Variants in GLIS3 observed in about 807,000 individuals in gnomAD.
GLIS3 encodes the protein zinc finger protein GLIS3.
GLIS3 carries 53 observed loss-of-function variants against 78.6 expected under a neutral mutation model. The ratio of observed to expected loss-of-function variants is 0.67; its 90% confidence interval spans 0.54 to 0.85. GLIS3 has a LOEUF of 0.85. Among genes scored for constraint, GLIS3 ranks in the 40% least tolerant of loss-of-function variants. GLIS3 has a pLI of 0.00. For missense variants in GLIS3, 1,703 were observed against 1,231.1 expected (o/e 1.38, Z -5.74); for synonymous variants, 684 against 509.9 (o/e 1.34, Z -4.60).
the GLIS3 span, among the ~76,000 whole-genome samples, chr9:4,428,081 T>TA: frequency 5.9e-5 from 9 of 151,868 alleles, no homozygotes; most frequent in African/African-American, 1.7e-4. Flanking sequence ...GTCAGAGGAA[T>TA]AAACATGAGC....
intron 4 of GLIS3, among the ~76,000 whole-genome samples, chr9:4,002,135 G>A (rs1175124773): frequency 6.6e-6 from 1 of 152,188 alleles, no homozygotes; most frequent in Admixed American, 6.5e-5. Context: ...GTCTTTATAA[G>A]ACAAAGATAG....
chr9:4,396,966 C>T, the GLIS3 span, among the ~76,000 whole-genome samples: 2 of 151,188 alleles, frequency 1.3e-5, no homozygotes, highest in African/African-American at 4.9e-5. Context: ...AGCTTCTTCT[C>T]TTGTCTCCCA....
chr9:4,429,715 A>G, the GLIS3 span, among the ~76,000 whole-genome samples: 1 of 152,170 alleles, frequency 6.6e-6, no homozygotes, highest in Non-Finnish European at 1.5e-5. Context: ...TTGAATCCCC[A>G]GCTCTGTGTC....
intron 9 of GLIS3, among the ~76,000 whole-genome samples, chr9:3,842,117 A>C (rs897621120): frequency 6.6e-6 from 1 of 152,206 alleles, no homozygotes; most frequent in Admixed American, 6.5e-5. Context: ...GTGCTGCTGC[A>C]TCTCAATTCC....
At chr9:4,419,450 G>A in the GLIS3 span, among the ~76,000 whole-genome samples, 1 of 152,280 alleles carries the variant, frequency 6.6e-6, no homozygotes, top group Admixed American at 6.5e-5. Flanking sequence ...GGAAGGCAAA[G>A]TGGGAGGAGC....
At chr9:3,952,261 C>T (rs1205363692) in intron 4 of GLIS3, among the ~76,000 whole-genome samples, 1 of 152,104 alleles carries the variant, frequency 6.6e-6, no homozygotes, top group Non-Finnish European at 1.5e-5. Context: ...TTCACTGACA[C>T]AGGTTTACTT....
intron 4 of GLIS3, among the ~76,000 whole-genome samples, chr9:4,044,279 T>G (rs1825070245): frequency 1.3e-5 from 2 of 152,218 alleles, no homozygotes; most frequent in African/African-American, 4.8e-5. Context: ...CAAGTTCGAC[T>G]AAATAGACAT....
the GLIS3 span, among the ~76,000 whole-genome samples, chr9:4,486,556 G>A: frequency 6.6e-6 from 1 of 152,118 alleles, no homozygotes; most frequent in African/African-American, 2.4e-5. Flanking sequence ...ACCTCATTGG[G>A]AGGCTAGGTC....
intron 2 of GLIS3, among the ~76,000 whole-genome samples, chr9:4,335,729 T>A (rs1458652740): frequency 6.6e-6 from 1 of 152,170 alleles, no homozygotes; most frequent in Non-Finnish European, 1.5e-5. Context: ...CTTAGAGGCA[T>A]CCATCCCTTT....
chr9:4,279,100 G>C (rs375449317), intron 2 of GLIS3, among the ~76,000 whole-genome samples: 2 of 151,852 alleles, frequency 1.3e-5, no homozygotes, highest in African/African-American at 4.8e-5. Flanking sequence ...AGGAGTTCAA[G>C]ACCAGCCTGG....
At chr9:4,204,869 A>G (rs746529349) in intron 2 of GLIS3, among the ~76,000 whole-genome samples, 2 of 151,408 alleles carry the variant, frequency 1.3e-5, no homozygotes, top group Non-Finnish European at 2.9e-5. Flanking sequence ...TGCCAAGATC[A>G]TACCACTGCA....
chr9:4,101,055 G>A lies in GLIS3; in HGVS notation c.1710+16713C>T, dbSNP rs143787823. Among the ~76,000 whole-genome samples, 12 of 152,288 alleles carry A rather than the reference G, an allele frequency of 7.9e-5. No homozygotes were observed. In the East Asian group the frequency reaches 9.6e-4, roughly 12 times the overall value. The stretch of plus-strand genomic sequence containing the variant: ...GAAACATAAATCACAGCATCTTCAC[G>A]GAAGGCTGCGGTGGAACAGAAAAAA... On this transcript the variant is annotated intron_variant, in intron 4 of 10. Transcript: ENST00000381971.
At chr9:4,126,511 T>A (rs1242890531) in intron 2 of GLIS3, among the ~76,000 whole-genome samples, 1 of 152,182 alleles carries the variant, frequency 6.6e-6, no homozygotes, top group Non-Finnish European at 1.5e-5. Context: ...GAGAGAGTTG[T>A]AAACAAAATG....
chr9:4,079,418 A>G (rs1287680786), intron 4 of GLIS3, among the ~76,000 whole-genome samples: 1 of 152,190 alleles, frequency 6.6e-6, no homozygotes, highest in Non-Finnish European at 1.5e-5. Context: ...TGCAAGCCAT[A>G]GCGAAGAAAG....
chr9:4,026,055 T>C (rs556513127), intron 4 of GLIS3, among the ~76,000 whole-genome samples: 3 of 152,160 alleles, frequency 2.0e-5, no homozygotes, highest in Non-Finnish European at 4.4e-5. Flanking sequence ...CTAATCATAA[T>C]CCCTACAACA....
chr9:4,428,084 A>T, the GLIS3 span, among the ~76,000 whole-genome samples: 1 of 152,104 alleles, frequency 6.6e-6, no homozygotes, highest in East Asian at 1.9e-4. Flanking sequence ...AGAGGAATAA[A>T]CATGAGCTGA....
rs145640371 is a variant in GLIS3 at position 3,979,638 on chromosome 9, C to A, written c.1711-42449G>T. On this transcript the variant is annotated intron_variant, in intron 4 of 10. Transcript: ENST00000381971. ...GGCCTTTCCCTGTGTCCCCATGACA[C>A]TCCATACTTCACCCAGCACAACACT... is the stretch of plus-strand genomic sequence containing the variant. Among the ~76,000 whole-genome samples, 491 of 152,256 alleles carry A rather than the reference C, an allele frequency of 3.2e-3. 3 individuals carry two copies. Among genetic ancestry groups the A allele is most frequent in the African/African-American group, 0.011 (449 of 41,554 alleles).
At chr9:4,163,537 T>C (rs906625624) in intron 2 of GLIS3, among the ~76,000 whole-genome samples, 3 of 152,260 alleles carry the variant, frequency 2.0e-5, no homozygotes, top group Non-Finnish European at 4.4e-5. Context: ...AAGTGGTATT[T>C]CTACCCAGGC....
chr9:4,106,409 A>G (rs1399915087), intron 4 of GLIS3, among the ~76,000 whole-genome samples: 2 of 152,186 alleles, frequency 1.3e-5, no homozygotes, highest in Admixed American at 1.3e-4. Context: ...TGCCGGTAGA[A>G]CACTGAGACA....
Sources: allele counts gnomAD v4.1 joint callset (sites outside exome capture counted in the v4.1 genomes callset), GRCh38; gene constraint gnomAD v4.1.1; transcripts MANE v1.5; gene names NCBI Gene and HGNC (gene_info 2026-07-23, HGNC 2026-07-21).